The following GUCY1A2 variants were observed in gnomAD, a reference collection of about 807,000 sequenced individuals.
GUCY1A2 encodes guanylate cyclase 1 soluble subunit alpha 2, also known as guanylate cyclase soluble subunit alpha-2.
In GUCY1A2, 27 loss-of-function variants were observed where a neutral mutation model predicts 63.5. The ratio of observed to expected loss-of-function variants is 0.43; its 90% confidence interval spans 0.31 to 0.59. The LOEUF is 0.59. GUCY1A2 is among the 20% of genes least tolerant of loss of function. The pLI, the probability that GUCY1A2 is intolerant of heterozygous loss-of-function variation, is 0.11. For synonymous variants in GUCY1A2, 364 were observed against 343.5 expected, an observed-to-expected ratio of 1.06 and a Z score of -0.66; for missense variants, 768 against 913.3, an observed-to-expected ratio of 0.84 and a Z score of 2.05.
At chr11:106,725,017 C>T (rs1288336986) in intron 6 of GUCY1A2, among the ~76,000 whole-genome samples, 1 of 151,992 alleles carries the variant, frequency 6.6e-6, no homozygotes, top group African/African-American at 2.4e-5. Flanking sequence ...TATTAATTTT[C>T]ACAATAGAAA....
intron 6 of GUCY1A2, among the ~76,000 whole-genome samples, chr11:106,768,739 G>A (rs917993698): frequency 6.6e-6 from 1 of 152,166 alleles, no homozygotes; most frequent in Non-Finnish European, 1.5e-5. Context: ...ATAAACCTGA[G>A]AAGTGAAAAG....
intron 6 of GUCY1A2, among the ~76,000 whole-genome samples, chr11:106,759,177 AAAG>A (rs1864022842): frequency 6.6e-6 from 1 of 152,036 alleles, no homozygotes; most frequent in African/African-American, 2.4e-5. Context: ...GAAAAAAAAA[AAAG>A]CAAGTATTTG....
At chr11:106,879,301 T>C (rs952704631) in intron 4 of GUCY1A2, among the ~76,000 whole-genome samples, 1 of 152,132 alleles carries the variant, frequency 6.6e-6, no homozygotes, top group African/African-American at 2.4e-5. Flanking sequence ...CCTGTGGAAC[T>C]TAGTAAAACA....
rs1354879110 is a variant in GUCY1A2, at chr11:106,674,480, T to G, written c.*13069A>C. On this transcript the variant is annotated 3_prime_UTR_variant, in exon 8 of 8. Transcript: ENST00000526355. ...TGTACTACTAGATAAAGAAAAATATTTTAAAATATAATATGAAATACCAAA... is the reference window on the plus strand; with the variant it reads ...TGTACTACTAGATAAAGAAAAATATGTTAAAATATAATATGAAATACCAAA... 5.7e-6 allele frequency: 1 copy of G among 176,456 alleles called. No homozygotes were observed. Among genetic ancestry groups the G allele is most frequent in the African/African-American group, 2.4e-5 (1 of 42,250 alleles). 10.9% of individuals were successfully genotyped at this position (176,456 alleles called of 1,614,324 possible).
intron 6 of GUCY1A2, among the ~76,000 whole-genome samples, chr11:106,714,007 TTTTC>T (rs777354500): frequency 0.095 from 14,174 of 149,488 alleles, 838 homozygotes; most frequent in Middle Eastern, 0.17. Flanking sequence ...TACACTCTTT[TTTTC>T]TTTTCTTTCT....
In GUCY1A2 at chr11:106,708,522, T is replaced by C. The variant is rs769859518; in HGVS notation, c.1981A>G (p.Thr661Ala). Residue 661 changes from threonine (T) to alanine (A), a missense_variant, in exon 7 of 8, where the codon ACC becomes GCC. This residue lies in a region of GUCY1A2 where 150 missense variants were observed against 188.3 expected (regional missense o/e 0.80). Coordinates refer to ENST00000526355, the MANE Select transcript of GUCY1A2 (RefSeq NM_000855.3). Reference protein sequence around the residue: ...SHPRRINVSPTTYQLLKREES... With the variant: ...SHPRRINVSPATYQLLKREES... ...CCAGAGAACACTTACTGGTAAGTGG[T>C]TGGGCTGACATTGATGCGCCGAGGG... is the stretch of plus-strand genomic sequence containing the variant. 11 of 1,611,724 alleles carry C rather than the reference T, an allele frequency of 6.8e-6. No individual in the cohort carries two copies. Among genetic ancestry groups the C allele is most frequent in the Admixed American group, 1.7e-5 (1 of 59,800 alleles).
intron 6 of GUCY1A2, among the ~76,000 whole-genome samples, chr11:106,772,361 C>T (rs991505397): frequency 6.6e-6 from 1 of 152,148 alleles, no homozygotes; most frequent in Admixed American, 6.5e-5. Context: ...CACATATCAA[C>T]TCTACTACAA....
rs534146290 is a variant in GUCY1A2, at chr11:106,836,408, A to G, written c.1207-25930T>C. On this transcript the variant is annotated intron_variant, in intron 4 of 7. Transcript: ENST00000526355. Reference sequence around the variant, plus strand: ...GTACTGTACCATATTTATCAATACCATAAGTTTACATTGTCTGTTTACAAG... The same window carrying G: ...GTACTGTACCATATTTATCAATACCGTAAGTTTACATTGTCTGTTTACAAG... Among the ~76,000 whole-genome samples the G allele has an allele frequency of 3.9e-5, 6 of 152,172 alleles. No individual in the cohort carries two copies. In the South Asian group the frequency reaches 8.3e-4, roughly 21 times the overall value.
chr11:106,765,345 C>G (rs1864144490), intron 6 of GUCY1A2, among the ~76,000 whole-genome samples: 1 of 152,074 alleles, frequency 6.6e-6, no homozygotes, highest in African/African-American at 2.4e-5. Flanking sequence ...ACCCAAACCT[C>G]TCGATGTTAA....
rs192404998 is a variant in GUCY1A2 at position 106,843,795 on chromosome 11, T to C, written c.1207-33317A>G. 2.9e-3 allele frequency among the ~76,000 whole-genome samples: 444 copies of C among 152,058 alleles called. 1 individual carries two copies. The highest frequency in any genetic ancestry group is 5.2e-3 in the Non-Finnish European group (356 of 67,914). On this transcript the variant is annotated intron_variant, in intron 4 of 7. Transcript: ENST00000526355. ...ACAATACTAATTATTCTTACTACTT[T>C]ACTGATTCTTCTTTCCTTGTCTCCT... is the stretch of plus-strand genomic sequence containing the variant.
At chr11:106,916,368 T>C (rs1290777608) in intron 4 of GUCY1A2, among the ~76,000 whole-genome samples, 3 of 145,430 alleles carry the variant, frequency 2.1e-5, no homozygotes, top group African/African-American at 7.3e-5. Context: ...AATTACTGAC[T>C]CTCTCTAATC....
At chr11:106,828,241 T>C (rs1160214091) in intron 4 of GUCY1A2, among the ~76,000 whole-genome samples, 1 of 152,196 alleles carries the variant, frequency 6.6e-6, no homozygotes, top group Non-Finnish European at 1.5e-5. Flanking sequence ...TGCATTTGCT[T>C]TTGGGGTCTT....
intron 1 of GUCY1A2, among the ~76,000 whole-genome samples, chr11:106,999,639 G>A (rs760996279): frequency 2.3e-4 from 35 of 152,026 alleles, no homozygotes; most frequent in East Asian, 5.8e-4. Context: ...GTAATATTTC[G>A]TTGACTCATA....
chr11:106,699,795 T>C (rs1025328523), intron 7 of GUCY1A2, among the ~76,000 whole-genome samples: 1 of 152,112 alleles, frequency 6.6e-6, no homozygotes, highest in East Asian at 1.9e-4. Flanking sequence ...TTTTCTTTTT[T>C]TTTTGAGGCG....
At position 106,677,983 on chromosome 11, in the gene GUCY1A2, G is replaced by T. The variant is rs1246361980; in HGVS notation, c.*9566C>A. On this transcript the variant is annotated 3_prime_UTR_variant, in exon 8 of 8. Transcript: ENST00000526355. ...AAGCAATGAGCACCTATTATTTCAG[G>T]TCATTGAGTTATATAACAAATAAAT... The T allele has an allele frequency of 2.5e-5, 5 of 202,330 alleles. No homozygotes were observed. The East Asian group carries it at 3.7e-4, about 15-fold the overall frequency. 12.5% of individuals were successfully genotyped at this position (202,330 alleles called of 1,614,324 possible).
chr11:106,815,367 A>G (rs1858816806), intron 4 of GUCY1A2, among the ~76,000 whole-genome samples: 1 of 152,058 alleles, frequency 6.6e-6, no homozygotes, highest in Non-Finnish European at 1.5e-5. Flanking sequence ...ATTTGAATAA[A>G]CTATAGATGA....
chr11:106,917,512 T>C (rs1382274691), intron 4 of GUCY1A2, among the ~76,000 whole-genome samples: 1 of 144,962 alleles, frequency 6.9e-6, no homozygotes, highest in Non-Finnish European at 1.5e-5. Context: ...ATTGTGACAC[T>C]ATTCACAATA....
intron 4 of GUCY1A2, among the ~76,000 whole-genome samples, chr11:106,873,158 C>T (rs1405185580): frequency 2.6e-5 from 4 of 152,138 alleles, no homozygotes; most frequent in Non-Finnish European, 5.9e-5. Flanking sequence ...TTTTCTTTAT[C>T]CGGTCTATCA....
intron 4 of GUCY1A2, chr11:106,826,803 C>A (rs1287362820): frequency 3.7e-6 from 6 of 1,609,716 alleles, no homozygotes; most frequent in Non-Finnish European, 5.1e-6. Context: ...GGCTCAGCTG[C>A]CAGGATGTAG....
Sources: allele counts gnomAD v4.1 joint callset (sites outside exome capture counted in the v4.1 genomes callset), GRCh38; gene constraint gnomAD v4.1.1; regional missense constraint gnomAD v4.1.1; transcripts MANE v1.5; gene names NCBI Gene and HGNC (gene_info 2026-07-23, HGNC 2026-07-21).